CCDC126: variants seen among roughly 807,000 people sequenced by gnomAD.
CCDC126 encodes the protein coiled-coil domain containing 126, also known as coiled-coil domain-containing protein 126.
CCDC126 carries 5 observed loss-of-function variants against 11.7 expected under a neutral mutation model. The ratio of observed to expected loss-of-function variants is 0.43; its 90% CI spans 0.22 to 0.90. The LOEUF (loss-of-function observed/expected upper bound fraction) is 0.90, where lower values mean the gene tolerates loss of function less well. Among genes scored for constraint, CCDC126 ranks in the 40% least tolerant of loss-of-function variants. CCDC126 has a pLI of 0.27. For missense variants in CCDC126, 150 were observed against 163.1 expected (o/e 0.92, Z 0.44); for synonymous variants, 60 against 61.9 (o/e 0.97, Z 0.14).
rs114986813 is a variant in CCDC126 at position 23,611,587 on chromosome 7, C to G, written c.238+34C>G. The G allele has an allele frequency of 1.3e-3, 1,871 of 1,440,970 alleles. 19 individuals are homozygous for G. In the African/African-American group the frequency reaches 0.023, roughly 18 times the overall value. 89.3% of individuals were successfully genotyped at this position (1,440,970 alleles called of 1,614,324 possible). The stretch of plus-strand genomic sequence containing the variant: ...ACCGTAGAATATTTCTAGTTTCCTC[C>G]AATCCCTGTTTAAAGATGGTTTTGG... On this transcript the variant is annotated intron_variant, in intron 3 of 3. Transcript: ENST00000307471.
intron 3 of CCDC126, among the ~76,000 whole-genome samples, chr7:23,614,868 T>C (rs925864802): frequency 6.6e-6 from 1 of 152,214 alleles, no homozygotes; most frequent in African/African-American, 2.4e-5. Context: ...TGTAAACATA[T>C]GTTGTCACCC....
intron 3 of CCDC126, among the ~76,000 whole-genome samples, chr7:23,612,140 C>T (rs1178997064): frequency 8.6e-5 from 12 of 138,776 alleles, no homozygotes; most frequent in Admixed American, 2.9e-4. Flanking sequence ...AGCAAGACTC[C>T]GTCTCAAAAA....
chr7:23,642,105 C>T (rs1206233399), intron 3 of CCDC126, among the ~76,000 whole-genome samples: 4 of 152,084 alleles, frequency 2.6e-5, no homozygotes, highest in Non-Finnish European at 5.9e-5. Context: ...TCTGCCTCCC[C>T]GGTTCAAGGG....
At chr7:23,598,128 A>C (rs891371476) in intron 2 of CCDC126, 77 bp downstream of exon 2, 1 of 152,254 alleles carries the variant, frequency 6.6e-6, no homozygotes, top group Non-Finnish European at 1.5e-5. Context: ...CTAGGGTTCG[A>C]ATCCTGCCTG....
At chr7:23,633,721 G>C (rs1378765821) in intron 3 of CCDC126, among the ~76,000 whole-genome samples, 4 of 152,144 alleles carry the variant, frequency 2.6e-5, no homozygotes, top group Admixed American at 6.5e-5. Flanking sequence ...TGAGTGTGGT[G>C]GTGGGCACCT....
chr7:23,615,143 C>T (rs1782775403), intron 3 of CCDC126, among the ~76,000 whole-genome samples: 1 of 152,192 alleles, frequency 6.6e-6, no homozygotes, highest in African/African-American at 2.4e-5. Flanking sequence ...TTAGTATAGC[C>T]ACCTTCATCA....
intron 3 of CCDC126, among the ~76,000 whole-genome samples, chr7:23,626,112 C>G (rs1421271515): frequency 3.5e-5 from 5 of 141,240 alleles, no homozygotes; most frequent in Non-Finnish European, 6.5e-5. Context: ...ATTTTTTTCT[C>G]CATAACTTAT....
intron 3 of CCDC126, among the ~76,000 whole-genome samples, chr7:23,642,491 A>G (rs1783379782): frequency 6.6e-6 from 1 of 152,132 alleles, no homozygotes. Flanking sequence ...GGCCAGGAGC[A>G]GTGGCTGACA....
chr7:23,632,343 G>A (rs751472690), intron 3 of CCDC126, among the ~76,000 whole-genome samples: 13 of 152,138 alleles, frequency 8.5e-5, no homozygotes, highest in Non-Finnish European at 1.5e-4. Flanking sequence ...TGATCCGCCC[G>A]CCTTGGCCTT....
At chr7:23,619,376 G>A (rs989091360) in intron 3 of CCDC126, 5 of 388,004 alleles carry the variant, frequency 1.3e-5, no homozygotes, top group East Asian at 7.6e-5. Flanking sequence ...ACCATGAAGC[G>A]CATGCTTAAA....
intron 3 of CCDC126, among the ~76,000 whole-genome samples, chr7:23,641,342 T>A (rs1384116412): frequency 1.3e-5 from 2 of 152,212 alleles, no homozygotes; most frequent in South Asian, 2.1e-4. Flanking sequence ...TTGCCCATTT[T>A]AAAAATTGAT....
At position 23,636,097 on chromosome 7, in the gene CCDC126, C is replaced by T. The variant is rs369447328; in HGVS notation, c.239-6834C>T. ...GCCGGGCTGGTCTCCAGCTCCTAAC[C>T]GCGAGTGATCCGCCAGCCTCGGCCT... On this transcript the variant is annotated intron_variant, in intron 3 of 3. Transcript: ENST00000307471. 8.4e-3 allele frequency among the ~76,000 whole-genome samples: 1,283 copies of T among 152,232 alleles called. 7 individuals carry two copies. The highest frequency in any genetic ancestry group is 0.018 in the South Asian group (86 of 4,822).
At chr7:23,637,189 G>A (rs1364658200) in intron 3 of CCDC126, among the ~76,000 whole-genome samples, 76 of 55,314 alleles carry the variant, frequency 1.4e-3, no homozygotes, top group East Asian at 2.0e-3. Flanking sequence ...CAGCCGCCCC[G>A]TCCGGGAGGG....
intron 2 of CCDC126, among the ~76,000 whole-genome samples, chr7:23,606,183 C>T (rs1782620358): frequency 6.6e-6 from 1 of 152,076 alleles, no homozygotes; most frequent in South Asian, 2.1e-4. Context: ...CTCAGCCTCC[C>T]AAGTAGCTGG....
At chr7:23,641,803 G>T (rs963097944) in intron 3 of CCDC126, among the ~76,000 whole-genome samples, 3 of 152,176 alleles carry the variant, frequency 2.0e-5, no homozygotes, top group Non-Finnish European at 4.4e-5. Context: ...TTACAAAGAG[G>T]TTAGAAGATA....
chr7:23,601,006 G>A (rs1458622903), intron 2 of CCDC126, among the ~76,000 whole-genome samples: 1 of 151,646 alleles, frequency 6.6e-6, no homozygotes, highest in Non-Finnish European at 1.5e-5. Flanking sequence ...TGTGGGCCCA[G>A]GAGTTTGAGA....
chr7:23,637,558 G>A (rs1783255343), intron 3 of CCDC126, among the ~76,000 whole-genome samples: 1 of 26,260 alleles, frequency 3.8e-5, no homozygotes, highest in African/African-American at 1.8e-4. Flanking sequence ...CTGGCCAGCC[G>A]CCCCTTCCGG....
intron 2 of CCDC126, among the ~76,000 whole-genome samples, chr7:23,604,663 A>G (rs1006128503): frequency 6.6e-6 from 1 of 152,156 alleles, no homozygotes; most frequent in Non-Finnish European, 1.5e-5. Context: ...GAGATAAAAT[A>G]ACTTTTACAA....
intron 2 of CCDC126, among the ~76,000 whole-genome samples, chr7:23,598,993 C>T (rs967808700): frequency 6.6e-6 from 1 of 152,006 alleles, no homozygotes; most frequent in Admixed American, 6.6e-5. Context: ...TTTGTGTAAA[C>T]CCTTTTAGTC....
Sources: allele counts gnomAD v4.1 joint callset (sites outside exome capture counted in the v4.1 genomes callset), GRCh38; gene constraint gnomAD v4.1.1; transcripts MANE v1.5; gene names NCBI Gene and HGNC (gene_info 2026-07-23, HGNC 2026-07-21).